FRMD4B: variants seen among roughly 807,000 people sequenced by gnomAD.
FRMD4B encodes FERM domain-containing protein 4B.
Under a neutral mutation model 141.5 loss-of-function variants are expected in FRMD4B, and 74 were observed. The ratio of observed to expected loss-of-function variants is 0.52; its 90% CI spans 0.43 to 0.63. The LOEUF (loss-of-function observed/expected upper bound fraction) is 0.63, where lower values mean the gene tolerates loss of function less well. Among genes scored for constraint, FRMD4B ranks in the 30% least tolerant of loss-of-function variants. The pLI is 0.00. For missense variants in FRMD4B, 1,366 were observed against 1,253.4 expected (o/e 1.09, Z -1.36); for synonymous variants, 506 against 467.9 (o/e 1.08, Z -1.05).
chr3:69,413,678 A>G (rs1268915076), intron 2 of FRMD4B, among the ~76,000 whole-genome samples: 2 of 152,166 alleles, frequency 1.3e-5, no homozygotes, highest in Non-Finnish European at 2.9e-5. Flanking sequence ...CTCTTTCCCT[A>G]GCTTTAGAGT....
chr3:69,362,992 TAAA>T (rs11305538), intron 1 of FRMD4B, among the ~76,000 whole-genome samples: 57,604 of 150,054 alleles, frequency 0.38, 13,373 homozygotes, highest in African/African-American at 0.66. Flanking sequence ...CTTTTTACAG[TAAA>T]AAAAAAAAAA....
intron 5 of FRMD4B, among the ~76,000 whole-genome samples, chr3:69,272,608 C>T (rs1245024330): frequency 6.6e-6 from 1 of 152,216 alleles, no homozygotes; most frequent in African/African-American, 2.4e-5. Context: ...TTCACATATG[C>T]AAACACTCTG....
At chr3:69,173,723 C>T (rs1181825121) in intron 22 of FRMD4B, among the ~76,000 whole-genome samples, 4 of 152,132 alleles carry the variant, frequency 2.6e-5, no homozygotes, top group Non-Finnish European at 5.9e-5. Context: ...GCAAATCTTT[C>T]TGGAAGGCAA....
intron 1 of FRMD4B, among the ~76,000 whole-genome samples, chr3:69,322,583 T>TC (rs1702035239): frequency 2.3e-5 from 3 of 130,744 alleles, no homozygotes; most frequent in African/African-American, 8.2e-5. Context: ...TGTTTAGATT[T>TC]TTCTCTCTCT....
intron 5 of FRMD4B, among the ~76,000 whole-genome samples, chr3:69,281,978 T>A (rs1027883916): frequency 5.9e-5 from 9 of 152,100 alleles, no homozygotes; most frequent in African/African-American, 2.2e-4. Flanking sequence ...CACCAATGGC[T>A]TATTCTCTAT....
chr3:69,351,342 A>T (rs75038333), intron 1 of FRMD4B, among the ~76,000 whole-genome samples: 1,831 of 152,330 alleles, frequency 0.012, 12 homozygotes, highest in Non-Finnish European at 0.016. Flanking sequence ...TAAGTCTCAT[A>T]CTTGAATTAT....
intron 2 of FRMD4B, among the ~76,000 whole-genome samples, chr3:69,429,184 T>C (rs140326619): frequency 2.6e-3 from 389 of 152,322 alleles, no homozygotes; most frequent in African/African-American, 9.0e-3. Flanking sequence ...ATTGCACCCA[T>C]AATTTTGCTA....
chr3:69,261,916 C>CAAGG (rs1177304442), intron 5 of FRMD4B, among the ~76,000 whole-genome samples: 1 of 149,798 alleles, frequency 6.7e-6, no homozygotes, highest in Non-Finnish European at 1.5e-5. Context: ...TGTGATCAGC[C>CAAGG]CTCCTTGGCC....
At chr3:69,483,699 C>T (rs1004145868) in intron 1 of FRMD4B, among the ~76,000 whole-genome samples, 1 of 152,108 alleles carries the variant, frequency 6.6e-6, no homozygotes, top group Non-Finnish European at 1.5e-5. Flanking sequence ...CGGATCTCTT[C>T]GCCAACTTCT....
At chr3:69,445,864 C>T (rs756979258) in intron 1 of FRMD4B, among the ~76,000 whole-genome samples, 16 of 152,276 alleles carry the variant, frequency 1.1e-4, no homozygotes, top group Non-Finnish European at 2.1e-4. Context: ...CCTGAAATTA[C>T]ACTGTTTATT....
At chr3:69,475,455 T>A (rs972895816) in intron 1 of FRMD4B, among the ~76,000 whole-genome samples, 1 of 147,490 alleles carries the variant, frequency 6.8e-6, no homozygotes, top group Non-Finnish European at 1.5e-5. Context: ...GAATATGTGG[T>A]GTTTGGTTTT....
intron 1 of FRMD4B, among the ~76,000 whole-genome samples, chr3:69,352,833 A>C (rs138469020): frequency 1.8e-4 from 28 of 152,242 alleles, no homozygotes; most frequent in Non-Finnish European, 3.1e-4. Flanking sequence ...ACAAAATTCA[A>C]TTTTCCTTCT....
intron 5 of FRMD4B, among the ~76,000 whole-genome samples, chr3:69,272,207 T>G (rs760316441): frequency 2.8e-4 from 42 of 152,128 alleles, no homozygotes; most frequent in Non-Finnish European, 6.2e-4. Context: ...AGTGGTATGA[T>G]CTTGGCTAAC....
At chr3:69,398,388 G>T (rs759410296) in intron 2 of FRMD4B, among the ~76,000 whole-genome samples, 3 of 152,026 alleles carry the variant, frequency 2.0e-5, no homozygotes, top group Non-Finnish European at 2.9e-5. Flanking sequence ...AACATTTATC[G>T]TTTCTTTGTG....
intron 2 of FRMD4B, among the ~76,000 whole-genome samples, chr3:69,398,994 G>A (rs1296957454): frequency 6.6e-6 from 1 of 152,042 alleles, no homozygotes; most frequent in Non-Finnish European, 1.5e-5. Flanking sequence ...CAGAATTCTA[G>A]TATTTCTACA....
rs1244194743 is a variant in FRMD4B, at chr3:69,435,831, C to T, written c.-128-3070G>A. On this transcript the variant is annotated intron_variant, in intron 1 of 5. Transcript: ENST00000459638. ...ATAGTCAAAATGAACACTGGAAAAT[C>T]CCTTAGGGAAAGTGCCAACATAGAG... Among the ~76,000 whole-genome samples, 3 of 152,138 alleles carry T rather than the reference C, an allele frequency of 2.0e-5. No individual in the cohort carries two copies. In the East Asian group the frequency reaches 5.8e-4, roughly 29 times the overall value.
Position 69,250,102 on chromosome 3 carries a change from G to T in FRMD4B, c.502-3C>A. 3 of 1,602,332 alleles carry T rather than the reference G, an allele frequency of 1.9e-6. No individual in the cohort carries two copies. Among genetic ancestry groups the T allele is most frequent in the Non-Finnish European group, 2.6e-6 (3 of 1,169,278 alleles). On this transcript the variant is annotated splice_region_variant and splice_polypyrimidine_tract_variant and intron_variant, in intron 5 of 22. Coordinates refer to ENST00000398540, the MANE Select transcript of FRMD4B (RefSeq NM_015123.3). ...TCGCTCTCTACTTCGATTTGCCCCT[G>T]TTGATGGAAAAGGAAAGCATCATTG...
At chr3:69,360,705 G>A (rs1035062053) in intron 1 of FRMD4B, among the ~76,000 whole-genome samples, 1 of 152,064 alleles carries the variant, frequency 6.6e-6, no homozygotes, top group Non-Finnish European at 1.5e-5. Flanking sequence ...ATGTTCCTCT[G>A]TTTACCATGG....
Position 69,313,517 on chromosome 3 carries a change from T to C in FRMD4B, c.163A>G (p.Met55Val), listed in dbSNP as rs1432614725. The change falls in exon 2 of 23, where the codon ATG becomes GTG. Residue 55 changes from methionine (M) to valine (V), a missense_variant and splice_region_variant. Transcript: ENST00000398540. ...TWCGLQDVYQ[M>V]TEGRHCQVHL... ...ACCTGGCAGTGCCTGCCTTCTGTCATCTGCAGGAACAAGACAGCAAGAGTG... is the reference window on the plus strand; with the variant it reads ...ACCTGGCAGTGCCTGCCTTCTGTCACCTGCAGGAACAAGACAGCAAGAGTG... The C allele has an allele frequency of 4.5e-6, 7 of 1,563,230 alleles. No individual in the cohort carries two copies. The highest frequency in any genetic ancestry group is 6.1e-6 in the Non-Finnish European group (7 of 1,151,534).
Sources: allele counts gnomAD v4.1 joint callset (sites outside exome capture counted in the v4.1 genomes callset), GRCh38; gene constraint gnomAD v4.1.1; transcripts MANE v1.5; gene names NCBI Gene and HGNC (gene_info 2026-07-23, HGNC 2026-07-21).